Variants in RNF150 observed in about 807,000 individuals in gnomAD.
RNF150 encodes the protein ring finger protein 150.
RNF150 carries 24 observed loss-of-function variants against 39.3 expected under a neutral mutation model. That is an observed-to-expected ratio of 0.61 (90% CI 0.44 to 0.86). The LOEUF (loss-of-function observed/expected upper bound fraction) is 0.86. RNF150 is among the 40% of genes least tolerant of loss of function. RNF150 has a pLI of 0.00. For synonymous variants in RNF150, 255 were observed against 227.3 expected (o/e 1.12, Z -1.10); for missense variants, 502 against 587.8 (o/e 0.85, Z 1.51).
chr4:140,953,865 C>G (rs553223292), intron 2 of RNF150, among the ~76,000 whole-genome samples: 1 of 152,150 alleles, frequency 6.6e-6, no homozygotes, highest in East Asian at 1.9e-4. Flanking sequence ...AGGCTACTTA[C>G]TGTTGCTTTT....
chr4:140,940,936 C>T (rs932172398), intron 4 of RNF150, among the ~76,000 whole-genome samples: 10 of 152,166 alleles, frequency 6.6e-5, no homozygotes, highest in African/African-American at 2.2e-4. Context: ...TGCCAGCTTG[C>T]TCTTGAATTC....
intron 1 of RNF150, among the ~76,000 whole-genome samples, chr4:141,141,322 T>TAC (rs1727114168): frequency 2.0e-5 from 3 of 152,224 alleles, no homozygotes; most frequent in African/African-American, 7.2e-5. Context: ...AGTGATTCTG[T>TAC]TAATGAGGTC....
intron 1 of RNF150, among the ~76,000 whole-genome samples, chr4:141,074,585 T>A (rs1191919331): frequency 6.6e-6 from 1 of 152,044 alleles, no homozygotes; most frequent in East Asian, 1.9e-4. Context: ...AGGGGTATGG[T>A]ACTAAAGCCC....
At chr4:140,994,459 G>A (rs1734295084) in intron 1 of RNF150, among the ~76,000 whole-genome samples, 1 of 151,474 alleles carries the variant, frequency 6.6e-6, no homozygotes, top group Non-Finnish European at 1.5e-5. Flanking sequence ...TGCTGTGCAT[G>A]TGTGTGCACG....
At chr4:141,017,950 C>G (rs1735342205) in intron 1 of RNF150, among the ~76,000 whole-genome samples, 7 of 152,150 alleles carry the variant, frequency 4.6e-5, no homozygotes, top group Admixed American at 4.6e-4. Context: ...ATGAATAAAG[C>G]TGCTGTAAAC....
intron 1 of RNF150, among the ~76,000 whole-genome samples, chr4:141,143,016 C>T (rs902394092): frequency 6.6e-6 from 1 of 152,002 alleles, no homozygotes; most frequent in African/African-American, 2.4e-5. Context: ...ACTACAGGCG[C>T]ACACAGCCAT....
At chr4:141,042,821 G>A (rs1179478992) in intron 1 of RNF150, among the ~76,000 whole-genome samples, 1 of 151,782 alleles carries the variant, frequency 6.6e-6, no homozygotes, top group East Asian at 1.9e-4. Flanking sequence ...CTGTCTTTTT[G>A]TCTTTACCTC....
At chr4:141,037,234 A>T (rs1175942270) in intron 1 of RNF150, among the ~76,000 whole-genome samples, 2 of 152,210 alleles carry the variant, frequency 1.3e-5, no homozygotes, top group Non-Finnish European at 2.9e-5. Flanking sequence ...GCTTTTTAGA[A>T]AGCATAAAAT....
chr4:141,096,129 G>T (rs1046632532), intron 1 of RNF150, among the ~76,000 whole-genome samples: 31 of 149,968 alleles, frequency 2.1e-4, no homozygotes, highest in African/African-American at 7.1e-4. Context: ...GGTACATTTG[G>T]TAACACAGGA....
chr4:141,178,497 A>G (rs1343474390), intron 1 of RNF150, among the ~76,000 whole-genome samples: 1 of 152,204 alleles, frequency 6.6e-6, no homozygotes. Context: ...TGTAAGAGGT[A>G]CGTTGAGAAG....
intron 1 of RNF150, among the ~76,000 whole-genome samples, chr4:141,053,366 T>C (rs1303641787): frequency 6.6e-6 from 1 of 151,918 alleles, no homozygotes; most frequent in Admixed American, 6.6e-5. Flanking sequence ...TGTACCAAAA[T>C]TTAAAAAAAA....
At chr4:141,089,319 G>T (rs1738486916) in intron 1 of RNF150, among the ~76,000 whole-genome samples, 1 of 152,092 alleles carries the variant, frequency 6.6e-6, no homozygotes, top group South Asian at 2.1e-4. Flanking sequence ...CAGAAACTAT[G>T]GACCAGCGAC....
At chr4:140,872,248 C>A (rs143734937) in intron 6 of RNF150, among the ~76,000 whole-genome samples, 2 of 152,152 alleles carry the variant, frequency 1.3e-5, no homozygotes, top group African/African-American at 4.8e-5. Context: ...ACATAAATGT[C>A]GACTGAATTT....
At chr4:140,926,953 G>A (rs755378807) in intron 4 of RNF150, among the ~76,000 whole-genome samples, 2 of 152,208 alleles carry the variant, frequency 1.3e-5, no homozygotes, top group Non-Finnish European at 2.9e-5. Context: ...ATGCATGACT[G>A]ACTCTCTTTC....
At chr4:141,130,403 G>A (rs1007434580) in intron 1 of RNF150, among the ~76,000 whole-genome samples, 2 of 152,148 alleles carry the variant, frequency 1.3e-5, no homozygotes, top group African/African-American at 2.4e-5. Context: ...TTAGATAATA[G>A]ACAATTTCCA....
chr4:141,149,491 G>A (rs577754328), intron 1 of RNF150, among the ~76,000 whole-genome samples: 17 of 152,246 alleles, frequency 1.1e-4, no homozygotes, highest in African/African-American at 3.9e-4. Flanking sequence ...ATGATGTTTG[G>A]TTTTCCATTC....
chr4:140,997,290 A>C (rs572285969), intron 1 of RNF150, among the ~76,000 whole-genome samples: 1 of 152,358 alleles, frequency 6.6e-6, no homozygotes, highest in East Asian at 1.9e-4. Flanking sequence ...TGGTATACAT[A>C]CTATCAAATA....
At chr4:141,159,604 G>A (rs553432493) in intron 1 of RNF150, among the ~76,000 whole-genome samples, 67 of 152,014 alleles carry the variant, frequency 4.4e-4, no homozygotes, top group Non-Finnish European at 6.9e-4. Flanking sequence ...GTGCAGTGGC[G>A]CAATCATGGC....
intron 1 of RNF150, among the ~76,000 whole-genome samples, chr4:141,131,750 C>T (rs548542266): frequency 4.6e-5 from 7 of 152,266 alleles, no homozygotes; most frequent in African/African-American, 1.7e-4. Flanking sequence ...TATTTACCAT[C>T]GTGGCCACCT....
Sources: gnomAD v4.1 joint callset for allele counts (sites outside exome capture counted in the v4.1 genomes callset) on GRCh38, gnomAD v4.1.1 for gene constraint, MANE v1.5 for transcripts, NCBI Gene and HGNC (gene_info 2026-07-23, HGNC 2026-07-21) for gene names.